Variants in TMEFF2 observed in about 807,000 individuals in gnomAD.
TMEFF2 encodes transmembrane protein with EGF like and two follistatin like domains 2, also known as tomoregulin-2.
TMEFF2 carries 28 observed loss-of-function variants against 53.8 expected under a neutral mutation model. The ratio of observed to expected loss-of-function variants is 0.52; its 90% CI spans 0.39 to 0.71. The LOEUF is 0.71. Among genes scored for constraint, TMEFF2 ranks in the 30% least tolerant of loss-of-function variants. The probability of loss-of-function intolerance (pLI) is 0.00; values close to 1 mark genes in which losing one functional copy is unlikely to be tolerated. For synonymous variants in TMEFF2, 162 were observed against 166.3 expected, an observed-to-expected ratio of 0.97 and a Z score of 0.20; for missense variants, 353 against 455.2, an observed-to-expected ratio of 0.78 and a Z score of 2.04.
At chr2:191,967,789 C>T (rs150281710) in intron 7 of TMEFF2, among the ~76,000 whole-genome samples, 20 of 152,246 alleles carry the variant, frequency 1.3e-4, no homozygotes, top group East Asian at 1.2e-3. Flanking sequence ...TGCCAGTCTC[C>T]GCTGTGGTCT....
chr2:191,996,264 A>G (rs1686219330), intron 7 of TMEFF2, among the ~76,000 whole-genome samples: 1 of 152,046 alleles, frequency 6.6e-6, no homozygotes, highest in East Asian at 1.9e-4. Context: ...ATCAACTTGA[A>G]GAGTTCTTTG....
At chr2:191,974,617 T>C (rs1361788960) in intron 7 of TMEFF2, among the ~76,000 whole-genome samples, 1 of 152,194 alleles carries the variant, frequency 6.6e-6, no homozygotes, top group Non-Finnish European at 1.5e-5. Context: ...TTACTATGTA[T>C]ATATTTTGGA....
At chr2:192,062,421 C>T (rs933924276) in intron 4 of TMEFF2, among the ~76,000 whole-genome samples, 1 of 152,124 alleles carries the variant, frequency 6.6e-6, no homozygotes, top group Non-Finnish European at 1.5e-5. Flanking sequence ...GGGTTGTTTT[C>T]AGTTACTGAC....
chr2:191,981,625 A>G (rs1685853136), intron 7 of TMEFF2, among the ~76,000 whole-genome samples: 1 of 152,198 alleles, frequency 6.6e-6, no homozygotes, highest in East Asian at 1.9e-4. Context: ...TCTATTTGCC[A>G]TAAAAGTTAT....
At chr2:192,050,353 C>T (rs1411437530) in intron 5 of TMEFF2, among the ~76,000 whole-genome samples, 1 of 152,042 alleles carries the variant, frequency 6.6e-6, no homozygotes, top group Non-Finnish European at 1.5e-5. Flanking sequence ...AAAAGATTCT[C>T]TAGAATTTAT....
intron 2 of TMEFF2, among the ~76,000 whole-genome samples, chr2:192,187,203 T>C (rs908078912): frequency 4.6e-5 from 7 of 152,298 alleles, no homozygotes; most frequent in South Asian, 2.1e-4. Context: ...GTAGGACCTT[T>C]TGTATATTAG....
chr2:192,108,829 A>G (rs1689210409), intron 4 of TMEFF2, among the ~76,000 whole-genome samples: 1 of 152,068 alleles, frequency 6.6e-6, no homozygotes, highest in African/African-American at 2.4e-5. Flanking sequence ...AGATTAAAAA[A>G]TGTAATATAT....
chr2:192,161,926 G>A (rs1479032069), intron 4 of TMEFF2, among the ~76,000 whole-genome samples: 1 of 152,198 alleles, frequency 6.6e-6, no homozygotes, highest in Non-Finnish European at 1.5e-5. Flanking sequence ...GGCATGATGA[G>A]ATGCTTGATG....
At chr2:192,087,163 G>A (rs892721740) in intron 4 of TMEFF2, among the ~76,000 whole-genome samples, 1 of 151,556 alleles carries the variant, frequency 6.6e-6, no homozygotes, top group Non-Finnish European at 1.5e-5. Context: ...CTATGAGGAG[G>A]GTTTTGTCTG....
intron 7 of TMEFF2, among the ~76,000 whole-genome samples, chr2:191,960,092 T>G (rs1360124652): frequency 6.6e-6 from 1 of 151,984 alleles, no homozygotes. Context: ...AGGCTGGTCT[T>G]GAACTCCTGG....
intron 4 of TMEFF2, among the ~76,000 whole-genome samples, chr2:192,144,517 C>A (rs889505045): frequency 2.6e-5 from 4 of 151,990 alleles, no homozygotes; most frequent in African/African-American, 9.7e-5. Flanking sequence ...CCTTATCCAG[C>A]AATATTTTTA....
Position 192,026,880 on chromosome 2 carries a change from G to A in TMEFF2, c.537-27672C>T, listed in dbSNP as rs1208788356. ...GAAAATTGAATACAAGCACTGGGAAGCATTATTTGCTCACACAATGCCTGA... is the reference window on the plus strand; with the variant it reads ...GAAAATTGAATACAAGCACTGGGAAACATTATTTGCTCACACAATGCCTGA... On this transcript the variant is annotated intron_variant, in intron 5 of 9. Transcript: ENST00000272771. Among the ~76,000 whole-genome samples the A allele has an allele frequency of 2.6e-5, 4 of 152,184 alleles. No individual in the cohort carries two copies. The South Asian group carries it at 6.2e-4, about 24-fold the overall frequency.
chr2:192,050,266 G>T (rs547501169), intron 5 of TMEFF2, among the ~76,000 whole-genome samples: 1 of 152,234 alleles, frequency 6.6e-6, no homozygotes, highest in East Asian at 1.9e-4. Context: ...TGGGTTTGTA[G>T]CTGTCATAAC....
chr2:192,116,727 C>A (rs184062797), intron 4 of TMEFF2, among the ~76,000 whole-genome samples: 1 of 152,076 alleles, frequency 6.6e-6, no homozygotes, highest in African/African-American at 2.4e-5. Context: ...TGGTCTGAAT[C>A]TTTGTGAGAT....
chr2:192,144,476 A>C (rs1223064434), intron 4 of TMEFF2, among the ~76,000 whole-genome samples: 2 of 152,090 alleles, frequency 1.3e-5, no homozygotes, highest in African/African-American at 2.4e-5. Flanking sequence ...CAGAGATAGG[A>C]GCCATCTTTA....
intron 8 of TMEFF2, 46 bp from the exon 9 acceptor site, chr2:191,953,883 A>ATTTTTTTCT (rs1691970132): frequency 1.9e-6 from 1 of 536,052 alleles, no homozygotes; most frequent in Non-Finnish European, 2.5e-6. Context: ...TGCTGCATTC[A>ATTTTTTTCT]TTTTTTTTTT....
intron 5 of TMEFF2, among the ~76,000 whole-genome samples, chr2:192,010,285 G>A (rs1470334633): frequency 1.3e-5 from 2 of 152,138 alleles, no homozygotes; most frequent in African/African-American, 2.4e-5. Context: ...TGATTGCTCC[G>A]AGAGAGGACT....
chr2:192,042,256 T>A (rs1687503781), intron 5 of TMEFF2, among the ~76,000 whole-genome samples: 1 of 152,046 alleles, frequency 6.6e-6, no homozygotes, highest in Admixed American at 6.6e-5. Context: ...TGAGAAAGTT[T>A]GAAATATTGT....
intron 4 of TMEFF2, among the ~76,000 whole-genome samples, chr2:192,109,903 T>A (rs1443090876): frequency 6.6e-6 from 1 of 152,062 alleles, no homozygotes; most frequent in Non-Finnish European, 1.5e-5. Flanking sequence ...GAATTCTGGA[T>A]GAGAGACCTA....
Sources: gnomAD v4.1 joint callset for allele counts (sites outside exome capture counted in the v4.1 genomes callset) on GRCh38, gnomAD v4.1.1 for gene constraint, MANE v1.5 for transcripts, NCBI Gene and HGNC (gene_info 2026-07-23, HGNC 2026-07-21) for gene names.